Variants in KAZN observed in about 807,000 individuals in gnomAD.
The protein encoded by KAZN is kazrin, periplakin interacting protein, also known as kazrin.
A neutral mutation model predicts 87.4 loss-of-function variants in KAZN; 40 were observed. The ratio of observed to expected loss-of-function variants is 0.46; its 90% confidence interval spans 0.36 to 0.60. The LOEUF (loss-of-function observed/expected upper bound fraction) is 0.60, where lower values mean the gene tolerates loss of function less well. Ranked by LOEUF, KAZN falls within the 20% of genes least tolerant of loss-of-function variation. The pLI is 0.00. For synonymous variants in KAZN, 466 were observed against 458.3 expected, an observed-to-expected ratio of 1.02 and a Z score of -0.22; for missense variants, 898 against 1,073.9, an observed-to-expected ratio of 0.84 and a Z score of 2.29.
At chr1:14,625,578 A>AG (rs1218663327) in intron 1 of KAZN, among the ~76,000 whole-genome samples, 3 of 152,168 alleles carry the variant, frequency 2.0e-5, no homozygotes, top group Non-Finnish European at 4.4e-5. Context: ...TTTCTGTTTA[A>AG]GGGGGAAAAA....
chr1:14,447,160 G>A (rs6659859), intron 2 of KAZN, among the ~76,000 whole-genome samples: 16,562 of 150,722 alleles, frequency 0.11, 2,534 homozygotes, highest in African/African-American at 0.34. Flanking sequence ...ATCCTAGTGG[G>A]AACCCATAAT....
chr1:14,860,165 TTC>T (rs1228163919), intron 1 of KAZN, among the ~76,000 whole-genome samples: 1 of 151,054 alleles, frequency 6.6e-6, no homozygotes, highest in Non-Finnish European at 1.5e-5. Flanking sequence ...CCTCCCTCCT[TTC>T]TCTCTCTCTC....
intron 2 of KAZN, among the ~76,000 whole-genome samples, chr1:15,005,064 T>C (rs1181630471): frequency 6.6e-6 from 1 of 152,116 alleles, no homozygotes; most frequent in Non-Finnish European, 1.5e-5. Flanking sequence ...GAGGATAATA[T>C]GCAAACCAAG....
intron 1 of KAZN, among the ~76,000 whole-genome samples, chr1:14,857,832 A>G (rs569760532): frequency 0.011 from 594 of 54,850 alleles, 4 homozygotes; most frequent in African/African-American, 0.1. Flanking sequence ...GTTTCTTGAG[A>G]TATAGTTCAT....
intron 2 of KAZN, among the ~76,000 whole-genome samples, chr1:14,961,364 T>C (rs1195796905): frequency 4.0e-5 from 6 of 151,474 alleles, no homozygotes; most frequent in Non-Finnish European, 4.4e-5. Context: ...GTCCAGGGGG[T>C]CTCTTGAAGA....
At chr1:13,936,096 G>GTTTTGTTTTTT (rs1640726835) in intron 1 of KAZN, among the ~76,000 whole-genome samples, 1 of 84,840 alleles carries the variant, frequency 1.2e-5, no homozygotes, top group Non-Finnish European at 2.2e-5. Flanking sequence ...TACAAGTGCA[G>GTTTTGTTTTTT]TTTTTTTTTT....
At chr1:15,018,001 TG>T (rs1670297996) in intron 2 of KAZN, among the ~76,000 whole-genome samples, 1 of 152,180 alleles carries the variant, frequency 6.6e-6, no homozygotes, top group South Asian at 2.1e-4. Context: ...AAGAACCCTA[TG>T]GAGTCTTTAG....
chr1:14,664,595 T>C (rs10754866), intron 1 of KAZN, among the ~76,000 whole-genome samples: 38,252 of 151,906 alleles, frequency 0.25, 5,083 homozygotes, highest in South Asian at 0.35. Flanking sequence ...AGTACAATAT[T>C]CCAACCCTAC....
At chr1:14,305,668 GTTTTC>G (rs1175104426) in intron 2 of KAZN, among the ~76,000 whole-genome samples, 1 of 149,614 alleles carries the variant, frequency 6.7e-6, no homozygotes, top group Non-Finnish European at 1.5e-5. Context: ...TTTTTTTTTT[GTTTTC>G]TTTTTTTTTA....
intron 1 of KAZN, among the ~76,000 whole-genome samples, chr1:14,777,160 T>TG (rs199747295): frequency 0.021 from 1,787 of 87,038 alleles, 58 homozygotes; most frequent in Admixed American, 0.12. Context: ...GCTAATTTTT[T>TG]TTTTTTTTTG....
chr1:14,715,465 G>C (rs569315727), intron 1 of KAZN, among the ~76,000 whole-genome samples: 1 of 152,202 alleles, frequency 6.6e-6, no homozygotes, highest in African/African-American at 2.4e-5. Flanking sequence ...TCCTCCATTC[G>C]CAGCAGAGCT....
rs79727227 is a variant in KAZN, at chr1:14,945,873, C to T, written c.227-14811C>T. 5.1e-3 allele frequency: 5,025 copies of T among 985,360 alleles called. 195 individuals carry two copies. In the African/African-American group the frequency reaches 0.081, roughly 16 times the overall value. 61.0% of individuals were successfully genotyped at this position (985,360 alleles called of 1,614,324 possible). ...TTGGGCAGCCTGAGCCCAAGACTTG[C>T]TCTCCTTTCCTGTCGCCTCCATGGA... On this transcript the variant is annotated intron_variant, in intron 1 of 14. Transcript: ENST00000376030.
At chr1:15,009,390 T>A (rs1270490842) in intron 2 of KAZN, among the ~76,000 whole-genome samples, 1 of 152,206 alleles carries the variant, frequency 6.6e-6, no homozygotes, top group Admixed American at 6.5e-5. Flanking sequence ...CAGAGCACGC[T>A]GAGCACCAGG....
chr1:14,972,894 A>ACACAG (rs1269711188), intron 2 of KAZN, among the ~76,000 whole-genome samples: 9 of 152,006 alleles, frequency 5.9e-5, no homozygotes, highest in African/African-American at 2.4e-5. Context: ...ATTGAATGCA[A>ACACAG]CACAGGAGAG....
intron 1 of KAZN, among the ~76,000 whole-genome samples, chr1:14,700,956 C>T (rs1333140624): frequency 6.6e-6 from 1 of 152,146 alleles, no homozygotes; most frequent in African/African-American, 2.4e-5. Context: ...CAACACAATT[C>T]AGAGGAGCAA....
chr1:14,205,875 A>G (rs1490317639), intron 2 of KAZN, among the ~76,000 whole-genome samples: 1 of 116,320 alleles, frequency 8.6e-6, no homozygotes, highest in Non-Finnish European at 1.7e-5. Context: ...ACAGAGCAAG[A>G]CACTGTCTCA....
At chr1:14,009,994 A>G (rs1640217270) in intron 1 of KAZN, among the ~76,000 whole-genome samples, 1 of 152,218 alleles carries the variant, frequency 6.6e-6, no homozygotes, top group African/African-American at 2.4e-5. Flanking sequence ...TTGGCAGAAG[A>G]TGTTGCCCAA....
chr1:14,209,522 T>C (rs2100444869), intron 2 of KAZN, among the ~76,000 whole-genome samples: 1 of 152,340 alleles, frequency 6.6e-6, no homozygotes, highest in South Asian at 2.1e-4. Context: ...CATTTTCTTT[T>C]ATAGAGATAA....
At chr1:13,988,126 A>T (rs1639106542) in intron 1 of KAZN, among the ~76,000 whole-genome samples, 1 of 152,186 alleles carries the variant, frequency 6.6e-6, no homozygotes, top group Admixed American at 6.5e-5. Flanking sequence ...GGTGTCCAAA[A>T]CATGCTTTTG....
Sources: gnomAD v4.1 joint callset for allele counts (sites outside exome capture counted in the v4.1 genomes callset) on GRCh38, gnomAD v4.1.1 for gene constraint, MANE v1.5 for transcripts, NCBI Gene and HGNC (gene_info 2026-07-23, HGNC 2026-07-21) for gene names.